Variants in SMAD3 observed in about 807,000 individuals in gnomAD.
SMAD3 encodes the protein MAD homolog 3.
Under a neutral mutation model 51.8 loss-of-function variants are expected in SMAD3, and 12 were observed. That is an observed-to-expected ratio of 0.23 (90% CI 0.15 to 0.38). The LOEUF (loss-of-function observed/expected upper bound fraction) is 0.38, where lower values mean the gene tolerates loss of function less well. Ranked by LOEUF, SMAD3 falls within the 10% of genes least tolerant of loss-of-function variation. SMAD3 has a pLI of 1.00. For synonymous variants in SMAD3, 238 were observed against 227.7 expected (o/e 1.05, Z -0.41); for missense variants, 294 against 565.6 (o/e 0.52, Z 4.87).
intron 1 of SMAD3, among the ~76,000 whole-genome samples, chr15:67,095,172 G>T (rs1416784337): frequency 6.6e-6 from 1 of 152,122 alleles, no homozygotes; most frequent in Non-Finnish European, 1.5e-5. Context: ...TGCTTTACTG[G>T]GTGGACAAAG....
chr15:67,166,230 G>C, intron 3 of SMAD3: 1 of 988,208 alleles, frequency 1.0e-6, no homozygotes, highest in Non-Finnish European at 1.2e-6. Flanking sequence ...AGCAAATCTT[G>C]GAGGGCTTCA....
At chr15:67,180,919 A>C (rs1382187219) in intron 5 of SMAD3, among the ~76,000 whole-genome samples, 2 of 152,020 alleles carry the variant, frequency 1.3e-5, no homozygotes, top group African/African-American at 4.8e-5. Flanking sequence ...CCCCTCCTTG[A>C]AGACTCCTTC....
At chr15:67,098,810 G>A (rs181631282) in intron 1 of SMAD3, 259 of 692,056 alleles carry the variant, frequency 3.7e-4, no homozygotes, top group African/African-American at 2.9e-3. Context: ...CATCCCCAGC[G>A]GGGGTCTGAG....
chr15:67,195,105 T>C lies in SMAD3; in HGVS notation c.*4569T>C, dbSNP rs1963469891. The C allele has an allele frequency of 4.3e-6, 1 of 233,298 alleles. No homozygotes were observed. The highest frequency in any genetic ancestry group is 2.2e-5 in the African/African-American group (1 of 45,312). 14.5% of individuals were successfully genotyped at this position (233,298 alleles called of 1,614,324 possible). On this transcript the variant is annotated 3_prime_UTR_variant, in exon 9 of 9. Coordinates refer to ENST00000327367, the MANE Select transcript of SMAD3 (RefSeq NM_005902.4). ...AGCATTGTACCCCTATTGTTAAAGA[T>C]TTGTGTCCTCTCATTCCCTCTCTTC...
At chr15:67,124,706 A>G (rs1301289738) in intron 1 of SMAD3, among the ~76,000 whole-genome samples, 3 of 152,166 alleles carry the variant, frequency 2.0e-5, no homozygotes, top group African/African-American at 7.2e-5. Context: ...TTAGCTTTCA[A>G]AGGTACACCT....
At chr15:67,150,631 C>T (rs1245227440) in intron 1 of SMAD3, among the ~76,000 whole-genome samples, 1 of 151,994 alleles carries the variant, frequency 6.6e-6, no homozygotes, top group East Asian at 1.9e-4. Context: ...GAGAGGATAC[C>T]CAGACCTAAT....
chr15:67,141,118 G>C (rs1806023715), intron 1 of SMAD3, among the ~76,000 whole-genome samples: 1 of 152,182 alleles, frequency 6.6e-6, no homozygotes, highest in Admixed American at 6.5e-5. Flanking sequence ...GCTGTCTTCT[G>C]GGTCTCCCAA....
At chr15:67,185,214 C>T (rs576183771) in intron 7 of SMAD3, among the ~76,000 whole-genome samples, 2 of 152,280 alleles carry the variant, frequency 1.3e-5, no homozygotes, top group East Asian at 1.9e-4. Context: ...GAGGTAGATG[C>T]GGCCCTGCTC....
At chr15:67,135,949 C>G (rs1961649631) in intron 1 of SMAD3, among the ~76,000 whole-genome samples, 1 of 152,220 alleles carries the variant, frequency 6.6e-6, no homozygotes, top group Non-Finnish European at 1.5e-5. Context: ...CCAACCCCTT[C>G]CCCCTTCTTC....
At chr15:67,130,301 C>T (rs1206494328) in intron 1 of SMAD3, among the ~76,000 whole-genome samples, 12 of 152,152 alleles carry the variant, frequency 7.9e-5, no homozygotes. Flanking sequence ...AGGTGCCTTC[C>T]ACTCACCTGA....
intron 6 of SMAD3, among the ~76,000 whole-genome samples, chr15:67,183,334 A>G (rs552083687): frequency 1.3e-5 from 2 of 151,994 alleles, no homozygotes; most frequent in South Asian, 2.1e-4. Context: ...GTGAGCCACC[A>G]TGCCCGGCCT....
Position 67,092,438 on chromosome 15 carries a change from G to C in SMAD3, c.206+26078G>C, listed in dbSNP as rs747085877. Among the ~76,000 whole-genome samples, 4 of 152,336 alleles carry C rather than the reference G, an allele frequency of 2.6e-5. No homozygotes were observed. The East Asian group carries it at 7.7e-4, about 29-fold the overall frequency. On this transcript the variant is annotated intron_variant, in intron 1 of 8. Transcript: ENST00000327367. ...GTTCTCAAAGTGTGGCCCTGGGCCA[G>C]CAGCGTCAGCATCACCAGGGAACTT...
intron 1 of SMAD3, among the ~76,000 whole-genome samples, chr15:67,105,691 G>T (rs1458792606): frequency 6.6e-6 from 1 of 152,188 alleles, no homozygotes; most frequent in East Asian, 1.9e-4. Context: ...CAGGGCACAG[G>T]AGGGAGAAAC....
chr15:67,185,579 A>G (rs1197976893), intron 7 of SMAD3, among the ~76,000 whole-genome samples: 2 of 152,142 alleles, frequency 1.3e-5, no homozygotes, highest in Non-Finnish European at 2.9e-5. Flanking sequence ...GTGGAAGGAC[A>G]CCAGAGAGTT....
intron 4 of SMAD3, among the ~76,000 whole-genome samples, chr15:67,169,645 T>C (rs1043569333): frequency 1.8e-4 from 26 of 144,918 alleles, no homozygotes; most frequent in Admixed American, 2.1e-4. Flanking sequence ...TTTTTTTCTG[T>C]AGAGACAGGG....
chr15:67,129,434 C>T (rs375505215), intron 1 of SMAD3, among the ~76,000 whole-genome samples: 1 of 152,160 alleles, frequency 6.6e-6, no homozygotes, highest in Non-Finnish European at 1.5e-5. Context: ...AAAGAGACCA[C>T]ATTTATATAA....
At chr15:67,163,487 C>T (rs2037640819) in intron 1 of SMAD3, among the ~76,000 whole-genome samples, 2 of 152,214 alleles carry the variant, frequency 1.3e-5, no homozygotes, top group Non-Finnish European at 2.9e-5. Context: ...AGCCTTCTGC[C>T]TCCCAGCCTT....
chr15:67,108,462 C>T (rs112533394), intron 1 of SMAD3, among the ~76,000 whole-genome samples: 59 of 152,274 alleles, frequency 3.9e-4, no homozygotes, highest in African/African-American at 1.3e-3. Flanking sequence ...TTACTTCCTC[C>T]AAAACGTAGT....
intron 1 of SMAD3, among the ~76,000 whole-genome samples, chr15:67,124,482 T>TG (rs1313510865): frequency 2.0e-5 from 3 of 152,120 alleles, no homozygotes; most frequent in Non-Finnish European, 4.4e-5. Context: ...TTAGAGAAGA[T>TG]GGACTTGTTG....
Sources: allele counts gnomAD v4.1 joint callset (sites outside exome capture counted in the v4.1 genomes callset), GRCh38; gene constraint gnomAD v4.1.1; transcripts MANE v1.5; gene names NCBI Gene and HGNC (gene_info 2026-07-23, HGNC 2026-07-21).